Variants in ARHGAP15 observed in about 807,000 individuals in gnomAD.
The protein encoded by ARHGAP15 is rho GTPase-activating protein 15.
Under a neutral mutation model 63.7 loss-of-function variants are expected in ARHGAP15, and 51 were observed. The observed-to-expected ratio is 0.80, with a 90% CI of 0.64 to 1.01. ARHGAP15 has a LOEUF of 1.01. ARHGAP15 is among the 50% of genes least tolerant of loss of function. The pLI, the probability that ARHGAP15 is intolerant of heterozygous loss-of-function variation, is 0.00. For synonymous variants in ARHGAP15, 191 were observed against 193.8 expected, an observed-to-expected ratio of 0.99 and a Z score of 0.12; for missense variants, 560 against 564.6, an observed-to-expected ratio of 0.99 and a Z score of 0.08.
chr2:143,188,344 A>G (rs1691528666), intron 2 of ARHGAP15, among the ~76,000 whole-genome samples: 1 of 151,968 alleles, frequency 6.6e-6, no homozygotes, highest in African/African-American at 2.4e-5. Context: ...ATGATTGCCT[A>G]AATTTTAATT....
chr2:143,560,027 A>AT (rs1695959096), intron 11 of ARHGAP15, among the ~76,000 whole-genome samples: 1 of 152,182 alleles, frequency 6.6e-6, no homozygotes, highest in South Asian at 2.1e-4. Flanking sequence ...GATTTTTGAG[A>AT]TTTTCAAGAC....
In ARHGAP15 at chr2:143,278,181, C is replaced by T. The variant is rs1172291021; in HGVS notation, c.474+27581C>T. ...GTTCCTTCTTCCTGTCCTGTCATCC[C>T]GTGTCACCTTCTCTCACTCACGGCT... is the stretch of plus-strand genomic sequence containing the variant. On this transcript the variant is annotated intron_variant, in intron 6 of 13. Coordinates refer to ENST00000295095, the MANE Select transcript of ARHGAP15 (RefSeq NM_018460.4). Among the ~76,000 whole-genome samples, 4 of 152,150 alleles carry T rather than the reference C, an allele frequency of 2.6e-5. No individual in the cohort carries two copies. In the East Asian group the frequency reaches 7.7e-4, roughly 29 times the overall value.
chr2:143,392,879 T>G (rs912320605), intron 6 of ARHGAP15, among the ~76,000 whole-genome samples: 5 of 152,072 alleles, frequency 3.3e-5, no homozygotes, highest in African/African-American at 1.2e-4. Flanking sequence ...TTTTTCAAAC[T>G]AACTCATTGT....
At chr2:143,614,873 C>A (rs1000174616) in intron 11 of ARHGAP15, among the ~76,000 whole-genome samples, 3 of 152,204 alleles carry the variant, frequency 2.0e-5, no homozygotes, top group Non-Finnish European at 4.4e-5. Flanking sequence ...CTAGGCATCA[C>A]AAACTATCGG....
At chr2:143,560,153 A>ACT (rs1200214148) in intron 11 of ARHGAP15, among the ~76,000 whole-genome samples, 3 of 152,330 alleles carry the variant, frequency 2.0e-5, no homozygotes, top group African/African-American at 7.2e-5. Context: ...TGACTTACTA[A>ACT]ATCAGTGGGA....
At chr2:143,354,394 T>C (rs537421586) in intron 6 of ARHGAP15, among the ~76,000 whole-genome samples, 1 of 152,264 alleles carries the variant, frequency 6.6e-6, no homozygotes, top group East Asian at 1.9e-4. Flanking sequence ...ACGAGCACAC[T>C]CATACACACA....
intron 4 of ARHGAP15, among the ~76,000 whole-genome samples, chr2:143,227,741 C>T (rs1353793469): frequency 6.6e-6 from 1 of 152,028 alleles, no homozygotes; most frequent in African/African-American, 2.4e-5. Flanking sequence ...TTTATTTAAC[C>T]TATCTTTTTT....
chr2:143,680,509 A>G (rs1574831536), intron 12 of ARHGAP15, among the ~76,000 whole-genome samples: 1 of 152,224 alleles, frequency 6.6e-6, no homozygotes, highest in East Asian at 1.9e-4. Flanking sequence ...AAATCCTTCT[A>G]AATGGTGGGT....
At chr2:143,282,473 G>C (rs1385379719) in intron 6 of ARHGAP15, among the ~76,000 whole-genome samples, 1 of 152,090 alleles carries the variant, frequency 6.6e-6, no homozygotes, top group African/African-American at 2.4e-5. Flanking sequence ...GGCAAAGAGG[G>C]AGAACTTGTG....
intron 13 of ARHGAP15, among the ~76,000 whole-genome samples, chr2:143,740,894 T>C (rs1685936843): frequency 6.6e-6 from 1 of 152,092 alleles, no homozygotes; most frequent in South Asian, 2.1e-4. Context: ...TCCATTTTTT[T>C]CCAGAAATAT....
chr2:143,364,236 A>G (rs1011100835), intron 6 of ARHGAP15, among the ~76,000 whole-genome samples: 6 of 152,160 alleles, frequency 3.9e-5, no homozygotes, highest in Admixed American at 1.3e-4. Flanking sequence ...ATCATCCATT[A>G]CATAAACTAA....
At chr2:143,183,285 G>A (rs1691307999) in intron 2 of ARHGAP15, among the ~76,000 whole-genome samples, 1 of 152,184 alleles carries the variant, frequency 6.6e-6, no homozygotes, top group South Asian at 2.1e-4. Context: ...GCTGTGAGGT[G>A]TTGTCAGGTA....
intron 2 of ARHGAP15, among the ~76,000 whole-genome samples, chr2:143,190,406 T>G (rs1157885048): frequency 6.6e-6 from 1 of 152,160 alleles, no homozygotes; most frequent in East Asian, 1.9e-4. Flanking sequence ...AGAAGACTCC[T>G]CCAATTTTCT....
At chr2:143,477,336 A>G (rs1432828321) in intron 8 of ARHGAP15, among the ~76,000 whole-genome samples, 1 of 152,120 alleles carries the variant, frequency 6.6e-6, no homozygotes, top group Non-Finnish European at 1.5e-5. Context: ...GGTCCTTTTT[A>G]TACACCTGTT....
At chr2:143,600,985 G>T (rs1001431041) in intron 11 of ARHGAP15, among the ~76,000 whole-genome samples, 2 of 152,078 alleles carry the variant, frequency 1.3e-5, no homozygotes, top group African/African-American at 2.4e-5. Context: ...AAAGTACATT[G>T]TATATGTCAC....
At chr2:143,729,122 G>A (rs146486641) in intron 13 of ARHGAP15, among the ~76,000 whole-genome samples, 71 of 152,252 alleles carry the variant, frequency 4.7e-4, no homozygotes, top group African/African-American at 1.6e-3. Flanking sequence ...TTACCCCTGC[G>A]GCTCACATAC....
chr2:143,134,463 T>C (rs1375881559), intron 1 of ARHGAP15, among the ~76,000 whole-genome samples: 1 of 152,214 alleles, frequency 6.6e-6, no homozygotes, highest in Non-Finnish European at 1.5e-5. Flanking sequence ...ATCTTCTTTT[T>C]AAAAGATTAA....
intron 11 of ARHGAP15, among the ~76,000 whole-genome samples, chr2:143,563,166 A>C (rs1371893785): frequency 6.6e-6 from 1 of 152,224 alleles, no homozygotes; most frequent in African/African-American, 2.4e-5. Context: ...CCAACTCTTC[A>C]TTTCCAAAAT....
rs71404473 is a variant in ARHGAP15 at position 143,470,699 on chromosome 2, G to GTATATATATATGTATATATGTGTATA, written c.704-16665_704-16664insATGTATATATGTGTATATATATATAT. 5.9e-4 allele frequency among the ~76,000 whole-genome samples: 88 copies of GTATATATATATGTATATATGTGTATA among 147,952 alleles called. No individual in the cohort carries two copies. In the Middle Eastern group the frequency reaches 0.028, roughly 48 times the overall value. ...TGTGTATATATATATGTATATATGTGTATATATATGTGTTGCCTGGGTAAG... is the reference window on the plus strand; with the variant it reads ...TGTGTATATATATATGTATATATGTGTATATATATATGTATATATGTGTATATATATATATGTGTTGCCTGGGTAAG... On this transcript the variant is annotated intron_variant, in intron 8 of 13. Coordinates refer to ENST00000295095, the MANE Select transcript of ARHGAP15 (RefSeq NM_018460.4).
Sources: allele counts gnomAD v4.1 joint callset (sites outside exome capture counted in the v4.1 genomes callset), GRCh38; gene constraint gnomAD v4.1.1; transcripts MANE v1.5; gene names NCBI Gene and HGNC (gene_info 2026-07-23, HGNC 2026-07-21).